The following CNTN3 variants were observed in gnomAD, a reference collection of about 807,000 sequenced individuals.
CNTN3 encodes contactin-3.
In CNTN3, 60 loss-of-function variants were observed where a neutral mutation model predicts 119.1. That is an observed-to-expected ratio of 0.50 (90% confidence interval 0.41 to 0.62). The LOEUF (loss-of-function observed/expected upper bound fraction) is 0.62, where lower values mean the gene tolerates loss of function less well. Among genes scored for constraint, CNTN3 ranks in the 20% least tolerant of loss-of-function variants. The probability of loss-of-function intolerance (pLI) is 0.00; values close to 1 mark genes in which losing one functional copy is unlikely to be tolerated. For missense variants in CNTN3, 1,101 were observed against 1,242.4 expected, an observed-to-expected ratio of 0.89 and a Z score of 1.71; for synonymous variants, 450 against 438.7, an observed-to-expected ratio of 1.03 and a Z score of -0.32.
chr3:74,440,303 G>A (rs372687334), intron 4 of CNTN3, among the ~76,000 whole-genome samples: 5 of 152,146 alleles, frequency 3.3e-5, no homozygotes, highest in Admixed American at 2.6e-4. Flanking sequence ...GATGTATTAA[G>A]TGATTCCAAT....
chr3:74,448,317 G>A (rs1413051527), intron 4 of CNTN3, among the ~76,000 whole-genome samples: 1 of 152,110 alleles, frequency 6.6e-6, no homozygotes, highest in Non-Finnish European at 1.5e-5. Context: ...CTGGACACTA[G>A]GGGCTTTATC....
At chr3:74,324,586 T>C (rs992935167) in intron 13 of CNTN3, among the ~76,000 whole-genome samples, 4 of 152,196 alleles carry the variant, frequency 2.6e-5, no homozygotes, top group South Asian at 2.1e-4. Context: ...TTTCTTTAAA[T>C]ATCTGTATTT....
intron 5 of CNTN3, among the ~76,000 whole-genome samples, chr3:74,384,932 T>C (rs1256817043): frequency 6.6e-6 from 1 of 152,226 alleles, no homozygotes; most frequent in Admixed American, 6.5e-5. Context: ...CATCCCTTTA[T>C]TTCATTAATT....
intron 5 of CNTN3, among the ~76,000 whole-genome samples, chr3:74,392,558 C>A (rs75171303): frequency 6.6e-6 from 1 of 152,238 alleles, no homozygotes; most frequent in Non-Finnish European, 1.5e-5. Flanking sequence ...GAATATTGTA[C>A]AGCAGAACAA....
chr3:74,603,981 A>G (rs1024346616), intron 1 of CNTN3, among the ~76,000 whole-genome samples: 1 of 152,120 alleles, frequency 6.6e-6, no homozygotes, highest in African/African-American at 2.4e-5. Context: ...ATATCCCATC[A>G]GAACAGAACA....
chr3:74,399,654 C>A (rs1167821282), intron 5 of CNTN3, among the ~76,000 whole-genome samples: 1 of 152,076 alleles, frequency 6.6e-6, no homozygotes, highest in African/African-American at 2.4e-5. Flanking sequence ...TGGGTATATA[C>A]CCAGTGATGG....
chr3:74,470,732 C>A (rs1702544453), intron 4 of CNTN3, among the ~76,000 whole-genome samples: 1 of 152,142 alleles, frequency 6.6e-6, no homozygotes, highest in Non-Finnish European at 1.5e-5. Context: ...AACTCATGAT[C>A]TTTATAAACC....
intron 4 of CNTN3, among the ~76,000 whole-genome samples, chr3:74,444,310 A>G (rs1702015029): frequency 6.6e-6 from 1 of 152,084 alleles, no homozygotes. Context: ...AATTCAACTC[A>G]TAACAAGTGG....
intron 4 of CNTN3, among the ~76,000 whole-genome samples, chr3:74,457,860 G>A (rs1702298182): frequency 6.6e-6 from 1 of 151,982 alleles, no homozygotes; most frequent in African/African-American, 2.4e-5. Flanking sequence ...ATCAAGATCA[G>A]AACAAGAGTT....
At chr3:74,613,845 C>T (rs1044457770) in intron 1 of CNTN3, among the ~76,000 whole-genome samples, 2 of 152,170 alleles carry the variant, frequency 1.3e-5, no homozygotes, top group Non-Finnish European at 2.9e-5. Flanking sequence ...GCAGGGTAAA[C>T]CTGACAAATA....
At chr3:74,590,522 GCT>G (rs1704683389) in intron 1 of CNTN3, among the ~76,000 whole-genome samples, 1 of 151,522 alleles carries the variant, frequency 6.6e-6, no homozygotes, top group Admixed American at 6.6e-5. Flanking sequence ...CAGAGCAACA[GCT>G]CTTGGAGCTC....
intron 1 of CNTN3, among the ~76,000 whole-genome samples, chr3:74,596,384 T>C (rs533408261): frequency 6.6e-6 from 1 of 152,192 alleles, no homozygotes; most frequent in Admixed American, 6.5e-5. Context: ...ACCAAGTCAA[T>C]CCTAAGCTGG....
At position 74,321,624 on chromosome 3, in the gene CNTN3, G is replaced by C. The variant is rs992687923; in HGVS notation, c.1668+13111C>G. Among the ~76,000 whole-genome samples, 10 of 152,082 alleles carry C rather than the reference G, an allele frequency of 6.6e-5. No individual in the cohort carries two copies. The East Asian group carries it at 9.7e-4, about 15-fold the overall frequency. ...TCAGCAAAAGCTGATTCTTTGAAAA[G>C]AGCAATAAAATCAATCATCTCTAGC... On this transcript the variant is annotated intron_variant, in intron 13 of 22. Coordinates refer to ENST00000263665, the MANE Select transcript of CNTN3 (RefSeq NM_020872.3).
At chr3:74,531,644 C>T (rs1237253219) in intron 1 of CNTN3, among the ~76,000 whole-genome samples, 2 of 151,880 alleles carry the variant, frequency 1.3e-5, no homozygotes, top group Non-Finnish European at 2.9e-5. Flanking sequence ...GTTAGAGAAA[C>T]CCAACGGTTA....
intron 20 of CNTN3, among the ~76,000 whole-genome samples, chr3:74,279,656 G>A (rs1181142583): frequency 1.4e-5 from 2 of 143,660 alleles, no homozygotes; most frequent in Non-Finnish European, 3.0e-5. Flanking sequence ...TGGGAGGGGG[G>A]CAAGGGACAG....
intron 2 of CNTN3, 26 bp downstream of exon 2, chr3:74,521,032 T>A: frequency 6.6e-7 from 1 of 1,515,016 alleles, no homozygotes; most frequent in Non-Finnish European, 9.1e-7. Flanking sequence ...TAACCTCAAC[T>A]TAGAAAATAT....
At chr3:74,367,999 C>G (rs769187459) in intron 8 of CNTN3, among the ~76,000 whole-genome samples, 1 of 152,096 alleles carries the variant, frequency 6.6e-6, no homozygotes, top group Non-Finnish European at 1.5e-5. Context: ...TCCCTCACCC[C>G]CTATTTCCAT....
chr3:74,599,161 G>A (rs1429617291), intron 1 of CNTN3, among the ~76,000 whole-genome samples: 1 of 152,084 alleles, frequency 6.6e-6, no homozygotes, highest in East Asian at 2.0e-4. Flanking sequence ...TGGTTTGTAG[G>A]TTATTTATGG....
chr3:74,297,903 G>T, intron 18 of CNTN3, 54 bp downstream of exon 18: 4 of 1,379,574 alleles, frequency 2.9e-6, no homozygotes, highest in South Asian at 1.3e-5. Flanking sequence ...TCAGTTTTTG[G>T]AGCACAAATA....
Sources: allele counts gnomAD v4.1 joint callset (sites outside exome capture counted in the v4.1 genomes callset), GRCh38; gene constraint gnomAD v4.1.1; transcripts MANE v1.5; gene names NCBI Gene and HGNC (gene_info 2026-07-23, HGNC 2026-07-21).